Variants in UNC13C observed in about 807,000 individuals in gnomAD.
UNC13C encodes unc-13 homolog C.
In UNC13C, 174 loss-of-function variants were observed where a neutral mutation model predicts 245.4. That is an observed-to-expected ratio of 0.71 (90% CI 0.63 to 0.80). The LOEUF is 0.80. Ranked by LOEUF, UNC13C falls within the 30% of genes least tolerant of loss-of-function variation. UNC13C has a pLI of 0.00. For missense variants in UNC13C, 2,829 were observed against 2,602.9 expected, an observed-to-expected ratio of 1.09 and a Z score of -1.89; for synonymous variants, 992 against 895.1, an observed-to-expected ratio of 1.11 and a Z score of -1.93.
intron 17 of UNC13C, among the ~76,000 whole-genome samples, chr15:54,381,329 C>T (rs2039719412): frequency 6.6e-6 from 1 of 152,110 alleles, no homozygotes; most frequent in African/African-American, 2.4e-5. Context: ...TATATTAGCA[C>T]CATACTGTTT....
chr15:54,357,415 G>T (rs1189366556), intron 17 of UNC13C, among the ~76,000 whole-genome samples: 2 of 151,780 alleles, frequency 1.3e-5, no homozygotes, highest in Non-Finnish European at 2.9e-5. Flanking sequence ...AGGACTTTCT[G>T]TACATTGTTT....
chr15:54,400,743 G>A (rs1230053316), intron 18 of UNC13C, among the ~76,000 whole-genome samples: 2 of 151,988 alleles, frequency 1.3e-5, no homozygotes, highest in South Asian at 2.1e-4. Context: ...ATGACAAAAC[G>A]GTGGGTTTTT....
the UNC13C span, among the ~76,000 whole-genome samples, chr15:53,927,717 A>G: frequency 1.3e-5 from 2 of 152,138 alleles, no homozygotes; most frequent in Non-Finnish European, 2.9e-5. Context: ...AGTTGTGGGT[A>G]TGTGTGTGAT....
chr15:54,145,344 G>A (rs940567144), intron 4 of UNC13C, among the ~76,000 whole-genome samples: 9 of 152,120 alleles, frequency 5.9e-5, no homozygotes, highest in African/African-American at 2.2e-4. Flanking sequence ...AGTTTTAAAT[G>A]TAAAGCTCCT....
intron 2 of UNC13C, among the ~76,000 whole-genome samples, chr15:54,061,875 G>A (rs1423311288): frequency 6.6e-6 from 1 of 152,138 alleles, no homozygotes; most frequent in Admixed American, 6.5e-5. Context: ...GCATGGGTAT[G>A]TCAGTTAAAT....
At chr15:54,001,124 A>G (rs1461674384) in intron 1 of UNC13C, among the ~76,000 whole-genome samples, 1 of 152,184 alleles carries the variant, frequency 6.6e-6, no homozygotes, top group African/African-American at 2.4e-5. Context: ...GTGATAGTTC[A>G]TGACAGGTTT....
Position 54,339,524 on chromosome 15 carries a change from TTTCTA to T in UNC13C, c.4713+1039_4713+1043del, listed in dbSNP as rs2038676288. Among the ~76,000 whole-genome samples the T allele has an allele frequency of 2.6e-5, 4 of 152,304 alleles. No homozygotes were observed. The South Asian group carries it at 8.3e-4, about 32-fold the overall frequency. On this transcript the variant is annotated intron_variant, in intron 17 of 32. Transcript: ENST00000260323. ...TGAGTGAAAACATACAATGTTTAGC[TTTCTA>T]TTCCTGAATTACTTCACTTAGAATA...
chr15:53,870,677 G>A, the UNC13C span, among the ~76,000 whole-genome samples: 1 of 152,262 alleles, frequency 6.6e-6, no homozygotes, highest in African/African-American at 2.4e-5. Context: ...CCAGGCAAGA[G>A]TTCAGCACTT....
intron 1 of UNC13C, among the ~76,000 whole-genome samples, chr15:53,983,704 A>C (rs1365848364): frequency 6.7e-6 from 1 of 149,848 alleles, no homozygotes. Flanking sequence ...CATTCCTGAT[A>C]CTCTCTTTCT....
chr15:54,144,292 G>A (rs919634122), intron 4 of UNC13C, among the ~76,000 whole-genome samples: 9 of 151,206 alleles, frequency 6.0e-5, no homozygotes, highest in East Asian at 1.9e-4. Flanking sequence ...TTTGCAATAC[G>A]TATCTGTGTT....
intron 24 of UNC13C, 68 bp downstream of exon 24, chr15:54,511,898 T>C: frequency 8.8e-7 from 1 of 1,142,842 alleles, no homozygotes; most frequent in Non-Finnish European, 1.3e-6. Context: ...TATCTCTTGC[T>C]ATGAAAGTGT....
At chr15:53,845,669 G>A in the UNC13C span, among the ~76,000 whole-genome samples, 1,018 of 152,286 alleles carry the variant, frequency 6.7e-3, 6 homozygotes, top group Non-Finnish European at 9.6e-3. Flanking sequence ...TATGTGTTAT[G>A]TTTAAGCTTA....
chr15:54,103,279 A>C (rs538162413), intron 2 of UNC13C, among the ~76,000 whole-genome samples: 1 of 152,080 alleles, frequency 6.6e-6, no homozygotes, highest in Non-Finnish European at 1.5e-5. Context: ...GTTCTCTCAC[A>C]CTTATTTTAA....
intron 2 of UNC13C, among the ~76,000 whole-genome samples, chr15:54,032,840 C>T (rs569563313): frequency 1.3e-5 from 2 of 152,022 alleles, no homozygotes; most frequent in African/African-American, 2.4e-5. Flanking sequence ...TGCAGGAATC[C>T]GGATGGGATT....
chr15:54,146,238 G>C (rs1250992978), intron 4 of UNC13C, among the ~76,000 whole-genome samples: 1 of 151,906 alleles, frequency 6.6e-6, no homozygotes. Context: ...CTATGACTGG[G>C]GCAGACTTTT....
chr15:54,390,884 T>C (rs1019113090), intron 17 of UNC13C, among the ~76,000 whole-genome samples: 1 of 150,708 alleles, frequency 6.6e-6, no homozygotes, highest in African/African-American at 2.4e-5. Context: ...GCTATTAAAG[T>C]AGGGAAAGCC....
chr15:54,349,978 C>T (rs2038944266), intron 17 of UNC13C, among the ~76,000 whole-genome samples: 1 of 151,764 alleles, frequency 6.6e-6, no homozygotes, highest in South Asian at 2.1e-4. Context: ...TGTATATTAG[C>T]ACAATAATAT....
At chr15:54,220,860 A>G (rs1024223956) in intron 4 of UNC13C, among the ~76,000 whole-genome samples, 1 of 151,976 alleles carries the variant, frequency 6.6e-6, no homozygotes, top group African/African-American at 2.4e-5. Flanking sequence ...TGCTTTTGGT[A>G]AGATTGAGAA....
At chr15:54,197,074 A>G (rs2034376882) in intron 4 of UNC13C, among the ~76,000 whole-genome samples, 1 of 152,154 alleles carries the variant, frequency 6.6e-6, no homozygotes, top group South Asian at 2.1e-4. Context: ...TAAAAAGAAA[A>G]ATTAAAGGTA....
Sources: allele counts gnomAD v4.1 joint callset (sites outside exome capture counted in the v4.1 genomes callset), GRCh38; gene constraint gnomAD v4.1.1; transcripts MANE v1.5; gene names NCBI Gene and HGNC (gene_info 2026-07-23, HGNC 2026-07-21).